Variants in RPS6KA2 observed in about 807,000 individuals in gnomAD.
RPS6KA2 encodes the protein ribosomal protein S6 kinase alpha-2.
In RPS6KA2, 42 loss-of-function variants were observed where a neutral mutation model predicts 91.8. That is an observed-to-expected ratio of 0.46 (90% CI 0.36 to 0.59). The LOEUF (loss-of-function observed/expected upper bound fraction) is 0.59, where lower values mean the gene tolerates loss of function less well. Ranked by LOEUF, RPS6KA2 falls within the 20% of genes least tolerant of loss-of-function variation. RPS6KA2 has a pLI of 0.00. For missense variants in RPS6KA2, 798 were observed against 978.5 expected, an observed-to-expected ratio of 0.82 and a Z score of 2.46; for synonymous variants, 414 against 393.6, an observed-to-expected ratio of 1.05 and a Z score of -0.61.
At chr6:166,791,444 T>C (rs1779086296) in intron 2 of RPS6KA2, among the ~76,000 whole-genome samples, 1 of 152,186 alleles carries the variant, frequency 6.6e-6, no homozygotes, top group Non-Finnish European at 1.5e-5. Context: ...CTGTTAACAT[T>C]AGACAAGTCA....
intron 1 of RPS6KA2, among the ~76,000 whole-genome samples, chr6:166,539,856 C>T (rs1336426157): frequency 6.6e-6 from 1 of 152,228 alleles, no homozygotes; most frequent in Non-Finnish European, 1.5e-5. Flanking sequence ...CTGCATTTCT[C>T]TGAGATTTCT....
intron 14 of RPS6KA2, among the ~76,000 whole-genome samples, chr6:166,444,008 T>C (rs553205187): frequency 6.6e-6 from 1 of 152,344 alleles, no homozygotes; most frequent in South Asian, 2.1e-4. Context: ...GCCAACTGTA[T>C]ATATTTACAT....
chr6:166,622,570 C>A (rs962079947), intron 1 of RPS6KA2, among the ~76,000 whole-genome samples: 1 of 152,160 alleles, frequency 6.6e-6, no homozygotes, highest in African/African-American at 2.4e-5. Context: ...ACCTATCATG[C>A]CCCAAGAATA....
At chr6:166,676,691 A>G (rs529226810) in intron 2 of RPS6KA2, among the ~76,000 whole-genome samples, 1 of 152,296 alleles carries the variant, frequency 6.6e-6, no homozygotes, top group Admixed American at 6.5e-5. Context: ...TTGAAACTCC[A>G]CAGCCATCTG....
chr6:166,498,957 C>A (rs958177541), intron 7 of RPS6KA2, among the ~76,000 whole-genome samples: 10 of 152,158 alleles, frequency 6.6e-5, no homozygotes, highest in African/African-American at 1.4e-4. Flanking sequence ...CTCCCCCAGA[C>A]CCTTTTCCAC....
At chr6:166,647,320 C>T (rs547091299) in intron 2 of RPS6KA2, among the ~76,000 whole-genome samples, 55 of 152,316 alleles carry the variant, frequency 3.6e-4, no homozygotes, top group African/African-American at 1.2e-3. Flanking sequence ...TGTCACCACA[C>T]GCCCGCCTCG....
At chr6:166,786,257 G>GA (rs1361362445) in intron 2 of RPS6KA2, among the ~76,000 whole-genome samples, 2 of 152,164 alleles carry the variant, frequency 1.3e-5, no homozygotes, top group African/African-American at 4.8e-5. Context: ...AGCCAGCCCA[G>GA]AAAAATGTCT....
chr6:166,736,654 G>C (rs2128590891), intron 2 of RPS6KA2, among the ~76,000 whole-genome samples: 1 of 152,224 alleles, frequency 6.6e-6, no homozygotes, highest in East Asian at 1.9e-4. Flanking sequence ...ACCATCCACA[G>C]TTCATCCTGT....
chr6:166,474,246 C>T (rs1055500340), intron 10 of RPS6KA2, among the ~76,000 whole-genome samples: 2 of 152,148 alleles, frequency 1.3e-5, no homozygotes, highest in Non-Finnish European at 2.9e-5. Context: ...GAATGGACCA[C>T]GTTTGAAGTC....
At chr6:166,778,230 C>T (rs1340546513) in intron 2 of RPS6KA2, among the ~76,000 whole-genome samples, 2 of 152,168 alleles carry the variant, frequency 1.3e-5, no homozygotes, top group African/African-American at 2.4e-5. Context: ...GTGGGGCTCA[C>T]GAAAGGGCAA....
intron 1 of RPS6KA2, among the ~76,000 whole-genome samples, chr6:166,540,266 G>C (rs946884080): frequency 1.3e-5 from 2 of 152,150 alleles, no homozygotes; most frequent in Admixed American, 6.5e-5. Flanking sequence ...TATAAATCTT[G>C]CTATTTTACC....
chr6:166,498,455 G>A, intron 8 of RPS6KA2, 53 bp downstream of exon 8: 6 of 1,551,476 alleles, frequency 3.9e-6, no homozygotes, highest in Non-Finnish European at 5.2e-6. Flanking sequence ...GGGGACAGGG[G>A]TCCACGTGGG....
intron 19 of RPS6KA2, among the ~76,000 whole-genome samples, chr6:166,417,977 A>G (rs1308011097): frequency 6.6e-6 from 1 of 152,062 alleles, no homozygotes. Flanking sequence ...AGTCCCAGCT[A>G]CTTGGGAGGC....
intron 1 of RPS6KA2, among the ~76,000 whole-genome samples, chr6:166,547,657 T>C (rs923479964): frequency 2.6e-5 from 4 of 152,244 alleles, no homozygotes; most frequent in Non-Finnish European, 5.9e-5. Flanking sequence ...CCATGGCACG[T>C]GTGCAGCACG....
chr6:166,744,335 C>T (rs947206976), intron 2 of RPS6KA2, among the ~76,000 whole-genome samples: 23 of 150,624 alleles, frequency 1.5e-4, no homozygotes, highest in Admixed American at 3.3e-4. Flanking sequence ...AGGGGTTCCC[C>T]GTGCCTCTGG....
chr6:166,774,757 A>G (rs1778568928), intron 2 of RPS6KA2, among the ~76,000 whole-genome samples: 1 of 152,180 alleles, frequency 6.6e-6, no homozygotes, highest in Non-Finnish European at 1.5e-5. Flanking sequence ...GAACATCAGC[A>G]TGATGACGAT....
At chr6:166,842,922 C>T (rs917737665) in intron 2 of RPS6KA2, among the ~76,000 whole-genome samples, 4 of 152,162 alleles carry the variant, frequency 2.6e-5, no homozygotes, top group African/African-American at 4.8e-5. Context: ...GGAACTTTAT[C>T]GCTGCTGCAG....
At chr6:166,698,608 T>C (rs1035542247) in intron 2 of RPS6KA2, among the ~76,000 whole-genome samples, 1 of 152,198 alleles carries the variant, frequency 6.6e-6, no homozygotes, top group Non-Finnish European at 1.5e-5. Flanking sequence ...ACACTCGACT[T>C]CTTCTGGGGC....
chr6:166,638,616 A>C (rs1787322565), intron 2 of RPS6KA2, among the ~76,000 whole-genome samples: 1 of 152,212 alleles, frequency 6.6e-6, no homozygotes, highest in Admixed American at 6.5e-5. Context: ...AAATATCTTG[A>C]ATTAAATTTC....
Sources: allele counts gnomAD v4.1 joint callset (sites outside exome capture counted in the v4.1 genomes callset), GRCh38; gene constraint gnomAD v4.1.1; transcripts MANE v1.5; gene names NCBI Gene and HGNC (gene_info 2026-07-23, HGNC 2026-07-21).